PRKD1: variants seen among roughly 807,000 people sequenced by gnomAD.
PRKD1 encodes the protein protein kinase D1, also known as serine/threonine-protein kinase D1.
A neutral mutation model predicts 95.9 loss-of-function variants in PRKD1; 63 were observed. The ratio of observed to expected loss-of-function variants is 0.66; its 90% CI spans 0.54 to 0.81. The LOEUF (loss-of-function observed/expected upper bound fraction) is 0.81, where lower values mean the gene tolerates loss of function less well. Among genes scored for constraint, PRKD1 ranks in the 30% least tolerant of loss-of-function variants. The pLI is 0.00. For synonymous variants in PRKD1, 425 were observed against 423.1 expected, an observed-to-expected ratio of 1.00 and a Z score of -0.05; for missense variants, 1,048 against 1,165.3, an observed-to-expected ratio of 0.90 and a Z score of 1.47.
chr14:29,677,466 C>A (rs996960367), intron 2 of PRKD1, among the ~76,000 whole-genome samples: 1 of 152,174 alleles, frequency 6.6e-6, no homozygotes, highest in Non-Finnish European at 1.5e-5. Flanking sequence ...ATCACTTTGT[C>A]CTTCTCCAAT....
chr14:29,725,819 A>G (rs1040561144), intron 1 of PRKD1, 145 bp from the exon 2 acceptor site: 1 of 823,810 alleles, frequency 1.2e-6, no homozygotes, highest in African/African-American at 1.7e-5. Context: ...AAAAATAAAT[A>G]AATGGTAGAG....
At chr14:29,914,830 T>G (rs1477859535) in intron 1 of PRKD1, among the ~76,000 whole-genome samples, 16 of 151,826 alleles carry the variant, frequency 1.1e-4, no homozygotes, top group Admixed American at 1.0e-3. Context: ...TGGAGTGCAG[T>G]GGCGTGATCT....
chr14:29,598,313 AAAATAAAAT>A (rs1893389221), intron 15 of PRKD1, among the ~76,000 whole-genome samples: 4 of 146,152 alleles, frequency 2.7e-5, no homozygotes, highest in Non-Finnish European at 6.0e-5. Flanking sequence ...AAAATAAAAT[AAAATAAAAT>A]AAAAATAAAT....
intron 1 of PRKD1, among the ~76,000 whole-genome samples, chr14:29,858,216 G>C (rs2139353066): frequency 6.6e-6 from 1 of 152,210 alleles, no homozygotes; most frequent in East Asian, 1.9e-4. Context: ...ATCTCAGTTT[G>C]GTTTTCTTCT....
At chr14:29,805,477 A>T (rs1357603560) in intron 1 of PRKD1, among the ~76,000 whole-genome samples, 6 of 152,268 alleles carry the variant, frequency 3.9e-5, no homozygotes, top group Non-Finnish European at 7.3e-5. Context: ...TAGAATGCTA[A>T]TAGAAGGCTG....
intron 1 of PRKD1, among the ~76,000 whole-genome samples, chr14:29,860,115 A>G (rs1892653236): frequency 6.6e-6 from 1 of 152,316 alleles, no homozygotes; most frequent in Non-Finnish European, 1.5e-5. Context: ...ACACTTTACT[A>G]CTCAGAATAC....
At chr14:29,588,946 G>A (rs896846464) in intron 16 of PRKD1, among the ~76,000 whole-genome samples, 1 of 151,996 alleles carries the variant, frequency 6.6e-6, no homozygotes, top group African/African-American at 2.4e-5. Context: ...TCGGGAATAG[G>A]TGCTTCTTCA....
At chr14:29,654,279 C>A (rs1881704938) in intron 4 of PRKD1, among the ~76,000 whole-genome samples, 1 of 152,110 alleles carries the variant, frequency 6.6e-6, no homozygotes, top group African/African-American at 2.4e-5. Flanking sequence ...TCAAGCAATT[C>A]TCATGCCTCA....
At chr14:29,596,462 C>A (rs1269996817) in intron 16 of PRKD1, among the ~76,000 whole-genome samples, 6 of 151,220 alleles carry the variant, frequency 4.0e-5, no homozygotes, top group Admixed American at 4.0e-4. Flanking sequence ...GGTGTCACTT[C>A]TTTTTTTTTG....
intron 10 of PRKD1, among the ~76,000 whole-genome samples, chr14:29,629,885 G>T (rs1879868762): frequency 6.6e-6 from 1 of 151,942 alleles, no homozygotes; most frequent in Admixed American, 6.6e-5. Context: ...ATTCAGATTT[G>T]CAAATAACAA....
intron 1 of PRKD1, among the ~76,000 whole-genome samples, chr14:29,779,747 A>G (rs1420251596): frequency 5.3e-5 from 8 of 152,200 alleles, no homozygotes; most frequent in Non-Finnish European, 1.0e-4. Context: ...CATCTCCATC[A>G]AGCTACCAAT....
At chr14:29,627,762 C>T (rs1879720783) in intron 11 of PRKD1, among the ~76,000 whole-genome samples, 1 of 152,066 alleles carries the variant, frequency 6.6e-6, no homozygotes, top group Admixed American at 6.6e-5. Flanking sequence ...TTATCTTTTT[C>T]CTTTGTTCTT....
intron 5 of PRKD1, 55 bp downstream of exon 5, chr14:29,638,633 AATACTT>A: frequency 6.2e-7 from 1 of 1,612,426 alleles, no homozygotes; most frequent in Non-Finnish European, 8.5e-7. Context: ...GTAACCAGAA[AATACTT>A]ATGTCAGATG....
intron 1 of PRKD1, among the ~76,000 whole-genome samples, chr14:29,831,597 T>A: frequency 6.6e-6 from 1 of 152,232 alleles, no homozygotes; most frequent in East Asian, 1.9e-4. Context: ...GCCTCCCAAG[T>A]AGCTGGGATT....
chr14:29,818,899 A>C (rs1457884068), intron 1 of PRKD1, among the ~76,000 whole-genome samples: 1 of 152,200 alleles, frequency 6.6e-6, no homozygotes, highest in East Asian at 1.9e-4. Context: ...TAGATATAGT[A>C]ATAACCCATT....
chr14:29,688,427 T>C (rs1884009030), intron 2 of PRKD1, among the ~76,000 whole-genome samples: 1 of 151,824 alleles, frequency 6.6e-6, no homozygotes, highest in African/African-American at 2.4e-5. Context: ...ATGAGGTAGG[T>C]GGGGGCGGGA....
chr14:29,578,232 T>C, intron 17 of PRKD1, 43 bp downstream of exon 17: 1 of 1,363,430 alleles, frequency 7.3e-7, no homozygotes, highest in Non-Finnish European at 1.0e-6. Context: ...TATAAATATT[T>C]AGAAGCTCAT....
At chr14:29,606,495 T>A (rs999550633) in intron 13 of PRKD1, among the ~76,000 whole-genome samples, 8 of 152,188 alleles carry the variant, frequency 5.3e-5, no homozygotes, top group African/African-American at 1.7e-4. Context: ...GATTTCAACA[T>A]CTTTGATAGG....
At chr14:29,903,167 T>A (rs190253956) in intron 1 of PRKD1, among the ~76,000 whole-genome samples, 4 of 152,100 alleles carry the variant, frequency 2.6e-5, no homozygotes, top group Non-Finnish European at 5.9e-5. Context: ...CAGAGAATTT[T>A]CCCCCAGGTT....
Sources: gnomAD v4.1 joint callset for allele counts (sites outside exome capture counted in the v4.1 genomes callset) on GRCh38, gnomAD v4.1.1 for gene constraint, MANE v1.5 for transcripts, NCBI Gene and HGNC (gene_info 2026-07-23, HGNC 2026-07-21) for gene names.